IQCM: variants seen among roughly 807,000 people sequenced by gnomAD.
The protein encoded by IQCM is IQ motif containing M, also known as IQ domain-containing protein M.
A neutral mutation model predicts 57.6 loss-of-function variants in IQCM; 45 were observed. That is an observed-to-expected ratio of 0.78 (90% CI 0.62 to 1.00). IQCM has a LOEUF of 1.00. Ranked by LOEUF, IQCM falls within the 50% of genes least tolerant of loss-of-function variation. IQCM has a pLI of 0.00. For synonymous variants in IQCM, 148 were observed against 158.9 expected, an observed-to-expected ratio of 0.93 and a Z score of 0.51; for missense variants, 468 against 511.6, an observed-to-expected ratio of 0.91 and a Z score of 0.82.
At position 149,686,421 on chromosome 4, in the gene IQCM, T is replaced by C. The variant is rs924929157; in HGVS notation, c.433A>G (p.Lys145Glu). The change falls in exon 6 of 14, where the codon AAA becomes GAA. Residue 145 changes from lysine (K) to glutamate (E), a missense_variant. Physicochemically the swap from Lys to Glu is moderately conservative, Grantham distance 56 (BLOSUM62 1). Coordinates refer to ENST00000636793, the MANE Select transcript of IQCM (RefSeq NM_001363507.2). Reference sequence around the variant, plus strand: ...TGTTGCTTTGCTGTCTCCATTTTTTTACTCACTGGTTCAATAATAGTCATG... The same window carrying C: ...TGTTGCTTTGCTGTCTCCATTTTTTCACTCACTGGTTCAATAATAGTCATG... The part of the protein sequence containing the change: ...KIMTIIEPVS[K>E]KMETAKQQHF... 7.3e-6 allele frequency: 9 copies of C among 1,228,198 alleles called. No individual in the cohort carries two copies. Among genetic ancestry groups the C allele is most frequent in the African/African-American group, 1.6e-5 (1 of 64,242 alleles). The allele number at this position is 1,228,198 out of a possible 1,614,324, so 76.1% of individuals were successfully genotyped here.
intron 6 of IQCM, among the ~76,000 whole-genome samples, chr4:149,682,962 T>C (rs1369582020): frequency 1.3e-5 from 2 of 151,220 alleles, no homozygotes; most frequent in Non-Finnish European, 3.0e-5. Flanking sequence ...ATGATTAGCA[T>C]ATGGAATATA....
intron 7 of IQCM, among the ~76,000 whole-genome samples, chr4:149,648,380 A>C (rs951171156): frequency 1.3e-5 from 2 of 152,056 alleles, no homozygotes; most frequent in East Asian, 1.9e-4. Context: ...TGAACTCATC[A>C]TTTTTTATGG....
At chr4:149,398,946 G>A (rs144335111) in intron 13 of IQCM, among the ~76,000 whole-genome samples, 72 of 152,052 alleles carry the variant, frequency 4.7e-4, no homozygotes, top group African/African-American at 1.5e-3. Context: ...TGTTGCCCAG[G>A]CTGGGCTTGA....
intron 12 of IQCM, among the ~76,000 whole-genome samples, chr4:149,522,212 T>C (rs1307863629): frequency 1.3e-5 from 2 of 152,180 alleles, no homozygotes; most frequent in Non-Finnish European, 2.9e-5. Flanking sequence ...AGCCAGTCCC[T>C]GCCAATTCAT....
intron 12 of IQCM, among the ~76,000 whole-genome samples, chr4:149,519,751 TCCCAG>T (rs2149827390): frequency 6.6e-6 from 1 of 152,088 alleles, no homozygotes; most frequent in East Asian, 2.0e-4. Flanking sequence ...ATGCCTGTAA[TCCCAG>T]CACTTTGGGA....
At chr4:149,548,081 T>C (rs1015152904) in intron 12 of IQCM, among the ~76,000 whole-genome samples, 6 of 152,138 alleles carry the variant, frequency 3.9e-5, no homozygotes, top group African/African-American at 1.2e-4. Context: ...CAATACCAAA[T>C]CTAACTATCC....
intron 12 of IQCM, among the ~76,000 whole-genome samples, chr4:149,483,964 T>C (rs763775066): frequency 6.6e-6 from 1 of 152,028 alleles, no homozygotes; most frequent in African/African-American, 2.4e-5. Context: ...TTTGGATGCA[T>C]ATATATTTAC....
At chr4:149,760,166 C>T (rs996112351) in intron 2 of IQCM, among the ~76,000 whole-genome samples, 7 of 151,594 alleles carry the variant, frequency 4.6e-5, no homozygotes, top group Non-Finnish European at 8.8e-5. Context: ...AAGGAAGGCC[C>T]AAACATTCAA....
intron 13 of IQCM, among the ~76,000 whole-genome samples, chr4:149,412,826 C>T (rs1186688845): frequency 1.3e-5 from 2 of 152,100 alleles, no homozygotes; most frequent in East Asian, 1.9e-4. Flanking sequence ...AGTTTCCAGT[C>T]CAGAAGGAGA....
chr4:149,356,697 C>T (rs1453218247), intron 13 of IQCM, among the ~76,000 whole-genome samples: 1 of 152,102 alleles, frequency 6.6e-6, no homozygotes, highest in African/African-American at 2.4e-5. Context: ...CAGCTTTGTT[C>T]TTTTGGCTTA....
In IQCM at chr4:149,606,455, A is replaced by C. The variant is rs868584249; in HGVS notation, c.681+14674T>G. Among the ~76,000 whole-genome samples, 11 of 152,162 alleles carry C rather than the reference A, an allele frequency of 7.2e-5. No individual in the cohort carries two copies. The South Asian group carries it at 2.3e-3, about 32-fold the overall frequency. On this transcript the variant is annotated intron_variant, in intron 8 of 13. Transcript: ENST00000636793. ...AGAAGTATGAATACAAACAAGCCCA[A>C]ACCACAAAGGTTGAAATAAATACCT...
At chr4:149,372,526 T>A (rs566937855) in intron 13 of IQCM, among the ~76,000 whole-genome samples, 1 of 151,946 alleles carries the variant, frequency 6.6e-6, no homozygotes. Context: ...GGCTACACAA[T>A]AGCCTTTCAG....
At chr4:149,513,855 A>G (rs116771785) in intron 12 of IQCM, among the ~76,000 whole-genome samples, 249 of 152,300 alleles carry the variant, frequency 1.6e-3, no homozygotes, top group African/African-American at 5.8e-3. Context: ...TAATGCTAAA[A>G]TAAAAATTAA....
intron 12 of IQCM, among the ~76,000 whole-genome samples, chr4:149,435,949 A>G (rs1735324072): frequency 6.6e-6 from 1 of 152,134 alleles, no homozygotes; most frequent in East Asian, 1.9e-4. Context: ...TTAAAAGTTT[A>G]TAAGGTAAAA....
At chr4:149,773,013 C>T (rs1267529740) in intron 2 of IQCM, among the ~76,000 whole-genome samples, 1 of 152,130 alleles carries the variant, frequency 6.6e-6, no homozygotes, top group African/African-American at 2.4e-5. Context: ...ACAGATTTTG[C>T]ATCATCTAGT....
chr4:149,782,201 A>G (rs557859797), intron 2 of IQCM, among the ~76,000 whole-genome samples: 11 of 152,318 alleles, frequency 7.2e-5, no homozygotes, highest in African/African-American at 2.6e-4. Context: ...AAGCAAGATA[A>G]TAAATATACA....
intron 5 of IQCM, among the ~76,000 whole-genome samples, chr4:149,692,245 G>GTTTC (rs921355509): frequency 2.2e-4 from 33 of 152,174 alleles, no homozygotes; most frequent in Non-Finnish European, 3.7e-4. Context: ...TGATGTAGGG[G>GTTTC]GAAAATAAGT....
intron 12 of IQCM, among the ~76,000 whole-genome samples, chr4:149,536,643 G>A (rs1747323569): frequency 6.6e-6 from 1 of 151,928 alleles, no homozygotes; most frequent in Non-Finnish European, 1.5e-5. Context: ...ATTATGGAGA[G>A]TCTGAAATAT....
chr4:149,761,991 G>A (rs11099741), intron 2 of IQCM, among the ~76,000 whole-genome samples: 122,343 of 151,916 alleles, frequency 0.81, 49,479 homozygotes, highest in East Asian at 0.93. Context: ...ATTAATGTAG[G>A]TGTTACTGTA....
Sources: gnomAD v4.1 joint callset for allele counts (sites outside exome capture counted in the v4.1 genomes callset) on GRCh38, gnomAD v4.1.1 for gene constraint, MANE v1.5 for transcripts, NCBI Gene and HGNC (gene_info 2026-07-23, HGNC 2026-07-21) for gene names.